GPM6B: variants seen among roughly 807,000 people sequenced by gnomAD.
GPM6B encodes the protein neuronal membrane glycoprotein M6-b.
A neutral mutation model predicts 27.2 loss-of-function variants in GPM6B; 4 were observed. The ratio of observed to expected loss-of-function variants is 0.15; its 90% CI spans 0.07 to 0.34. The LOEUF (loss-of-function observed/expected upper bound fraction) is 0.34, where lower values mean the gene tolerates loss of function less well. Ranked by LOEUF, GPM6B falls within the 10% of genes least tolerant of loss-of-function variation. GPM6B has a pLI of 1.00. For synonymous variants in GPM6B, 124 were observed against 103.1 expected, an observed-to-expected ratio of 1.20 and a Z score of -1.23; for missense variants, 183 against 261.9, an observed-to-expected ratio of 0.70 and a Z score of 2.08.
chrX:13,783,392 G>T lies in GPM6B; in HGVS notation c.498C>A (p.Thr166=). The change falls in exon 4 of 8, where the codon ACC becomes ACA. Residue 166 remains threonine (T), a synonymous_variant. Coordinates refer to ENST00000316715, the MANE Select transcript of GPM6B (RefSeq NM_001001995.3). The part of the protein sequence containing the change: ...VKELHGEFKT[T]ACGRCISGMF... ...TTCCACTGATGCATCGGCCACAAGC[G>T]GTTGTTTTAAACTCACCGTGCAGTT... 1 of 1,197,671 alleles carries T rather than the reference G, an allele frequency of 8.3e-7. No individual in the cohort carries two copies. The highest frequency in any genetic ancestry group is 1.8e-5 in the South Asian group (1 of 54,315).
chrX:13,860,931 T>C (rs1249084421), intron 1 of GPM6B, among the ~76,000 whole-genome samples: 1 of 109,222 alleles, frequency 9.2e-6, no homozygotes, highest in Non-Finnish European at 1.9e-5. Flanking sequence ...TTGCCTCCAA[T>C]TCCATCCAGG....
At chrX:13,923,969 G>A (rs1487233119) in intron 1 of GPM6B, among the ~76,000 whole-genome samples, 4 of 111,897 alleles carry the variant, frequency 3.6e-5, no homozygotes, top group Non-Finnish European at 7.5e-5. Flanking sequence ...GGCTCCTCCC[G>A]GGCATTTTAC....
At chrX:13,869,756 T>TC (rs1449231433) in intron 1 of GPM6B, among the ~76,000 whole-genome samples, 1 of 112,387 alleles carries the variant, frequency 8.9e-6, no homozygotes, top group Non-Finnish European at 1.9e-5. Context: ...TTCCAATACA[T>TC]CCTTCACTGA....
At position 13,920,853 on chromosome X, in the gene GPM6B, T is replaced by C. The variant is rs1045887741; in HGVS notation, c.-198+17474A>G. 2.8e-5 allele frequency among the ~76,000 whole-genome samples: 3 copies of C among 107,490 alleles called. No homozygotes were observed. The Admixed American group carries it at 3.0e-4, about 11-fold the overall frequency. 93.3% of individuals were successfully genotyped at this position (107,490 alleles called of 115,157 possible). On this transcript the variant is annotated intron_variant, in intron 1 of 6. Coordinates refer to the GPM6B transcript ENST00000398361. The stretch of plus-strand genomic sequence containing the variant: ...TTGCAGTGAGCCGAGATCGCGCCAC[T>C]ATACTCCAGCCTGGGCGATAGAGTG...
At chrX:13,895,881 C>G (rs2050227834) in intron 1 of GPM6B, among the ~76,000 whole-genome samples, 1 of 109,214 alleles carries the variant, frequency 9.2e-6, no homozygotes. Context: ...TGGTGGCTCA[C>G]TCCTGTAATG....
At chrX:13,846,696 T>C (rs1479152246) in intron 1 of GPM6B, among the ~76,000 whole-genome samples, 1 of 109,275 alleles carries the variant, frequency 9.2e-6, no homozygotes, top group Non-Finnish European at 1.9e-5. Context: ...GGTTTCACCA[T>C]GTTAGCCAGG....
At chrX:13,938,058 G>A (rs1283444651) in intron 1 of GPM6B, among the ~76,000 whole-genome samples, 1 of 111,726 alleles carries the variant, frequency 9.0e-6, no homozygotes, top group Admixed American at 9.4e-5. Flanking sequence ...GCGGGCTTAA[G>A]GAGAACAGAA....
At chrX:13,897,504 A>G (rs1256512958) in intron 1 of GPM6B, among the ~76,000 whole-genome samples, 1 of 112,145 alleles carries the variant, frequency 8.9e-6, no homozygotes, top group East Asian at 2.8e-4. Flanking sequence ...AACACATTAA[A>G]TAATCCAGAT....
chrX:13,858,374 G>A (rs960897533), intron 1 of GPM6B, among the ~76,000 whole-genome samples: 1 of 111,616 alleles, frequency 9.0e-6, no homozygotes, highest in African/African-American at 3.3e-5. Context: ...ACTGGCTGGT[G>A]GGGTGGGTAG....
chrX:13,835,295 G>A (rs1040735879), intron 1 of GPM6B, among the ~76,000 whole-genome samples: 1 of 111,914 alleles, frequency 8.9e-6, no homozygotes, highest in African/African-American at 3.2e-5. Flanking sequence ...GAACCATGGG[G>A]GCAAGTATGT....
chrX:13,874,442 A>C (rs1167472601), intron 1 of GPM6B, among the ~76,000 whole-genome samples: 1 of 110,276 alleles, frequency 9.1e-6, no homozygotes, highest in Non-Finnish European at 1.9e-5. Context: ...CCACGCCTAT[A>C]ATCTCAGCAC....
chrX:13,909,723 G>A, intron 1 of GPM6B, among the ~76,000 whole-genome samples: 1 of 111,318 alleles, frequency 9.0e-6, no homozygotes. Flanking sequence ...GGAGGCCGAA[G>A]CTCAGAAAGG....
chrX:13,852,937 T>C (rs2049736446), intron 1 of GPM6B, among the ~76,000 whole-genome samples: 1 of 110,212 alleles, frequency 9.1e-6, no homozygotes, highest in African/African-American at 3.3e-5. Context: ...CACGCCACCA[T>C]GCCCAGCCAA....
intron 1 of GPM6B, among the ~76,000 whole-genome samples, chrX:13,887,213 A>G (rs2050145943): frequency 8.9e-6 from 1 of 112,589 alleles, no homozygotes; most frequent in African/African-American, 3.2e-5. Context: ...GGTAACAATG[A>G]CAAAAGATAA....
chrX:13,844,270 C>A (rs745803096), intron 1 of GPM6B, among the ~76,000 whole-genome samples: 4 of 112,404 alleles, frequency 3.6e-5, no homozygotes, highest in Non-Finnish European at 3.8e-5. Flanking sequence ...CATTCTTAGG[C>A]CAGTACCACA....
intron 7 of GPM6B, among the ~76,000 whole-genome samples, chrX:13,775,071 G>A (rs1395924166): frequency 8.9e-6 from 1 of 112,044 alleles, no homozygotes; most frequent in Non-Finnish European, 1.9e-5. Flanking sequence ...CAGAAAAACT[G>A]GGAATGAATA....
chrX:13,885,414 G>C (rs5979993), intron 1 of GPM6B, among the ~76,000 whole-genome samples: 59,764 of 110,268 alleles, frequency 0.54, 13,152 homozygotes, highest in East Asian at 0.95. Context: ...TAATCAGTTT[G>C]CCCCTGGCAA....
At chrX:13,852,106 G>A (rs1160003113) in intron 1 of GPM6B, among the ~76,000 whole-genome samples, 3 of 110,540 alleles carry the variant, frequency 2.7e-5, no homozygotes, top group Non-Finnish European at 5.7e-5. Flanking sequence ...TTTTGTAAAC[G>A]GCCAGAATAG....
chrX:13,840,607 G>A (rs776557342), intron 1 of GPM6B, among the ~76,000 whole-genome samples: 41 of 111,589 alleles, frequency 3.7e-4, no homozygotes, highest in South Asian at 7.5e-4. Flanking sequence ...CACCCCCAGC[G>A]AATCTTCCTT....
Sources: gnomAD v4.1 joint callset for allele counts (sites outside exome capture counted in the v4.1 genomes callset) on GRCh38, gnomAD v4.1.1 for gene constraint, MANE v1.5 for transcripts, NCBI Gene and HGNC (gene_info 2026-07-23, HGNC 2026-07-21) for gene names.